The following DGKI variants were observed in gnomAD, a reference collection of about 807,000 sequenced individuals.
DGKI encodes the protein diacylglycerol kinase iota.
In DGKI, 55 loss-of-function variants were observed where a neutral mutation model predicts 147.5. The observed-to-expected ratio is 0.37, with a 90% CI of 0.30 to 0.47. The LOEUF (loss-of-function observed/expected upper bound fraction) is 0.47, where lower values mean the gene tolerates loss of function less well. DGKI is among the 20% of genes least tolerant of loss of function. The pLI is 1.00. For missense variants in DGKI, 1,007 were observed against 1,323.8 expected, an observed-to-expected ratio of 0.76 and a Z score of 3.71; for synonymous variants, 469 against 477.1, an observed-to-expected ratio of 0.98 and a Z score of 0.22.
intron 21 of DGKI, among the ~76,000 whole-genome samples, chr7:137,493,067 C>A (rs1477785638): frequency 6.6e-6 from 1 of 152,174 alleles, no homozygotes; most frequent in Non-Finnish European, 1.5e-5. Flanking sequence ...CCTTGCCTAC[C>A]CTTCCCTGCT....
intron 1 of DGKI, among the ~76,000 whole-genome samples, chr7:137,703,726 A>G (rs1198084777): frequency 6.6e-6 from 1 of 152,212 alleles, no homozygotes; most frequent in Non-Finnish European, 1.5e-5. Flanking sequence ...CAATACTACA[A>G]TCAGCAACAT....
chr7:137,784,510 C>CA (rs1796608879), intron 1 of DGKI, among the ~76,000 whole-genome samples: 1 of 151,986 alleles, frequency 6.6e-6, no homozygotes, highest in South Asian at 2.1e-4. Flanking sequence ...AGATAGATGG[C>CA]AATATAATAA....
Position 137,838,138 on chromosome 7 carries a change from G to C in DGKI, c.401+8324C>G, listed in dbSNP as rs534821835. ...CTGCCTCAGCCTCCCAAGTAGCTGGGACTACAAGTGTGCACCACCACACCC... is the reference window on the plus strand; with the variant it reads ...CTGCCTCAGCCTCCCAAGTAGCTGGCACTACAAGTGTGCACCACCACACCC... On this transcript the variant is annotated intron_variant, in intron 1 of 32. Transcript: ENST00000614521. Among the ~76,000 whole-genome samples, 7 of 151,922 alleles carry C rather than the reference G, an allele frequency of 4.6e-5. No homozygotes were observed. In the East Asian group the frequency reaches 1.4e-3, roughly 30 times the overall value.
In DGKI at chr7:137,585,246, T is replaced by G. The variant is rs1026235103; in HGVS notation, c.1526A>C (p.Asp509Ala). ...RWNLHVERNP[D>A]LPPEELEDGV... ...ATCTTCAAGTTCTTCTGGAGGCAAGTCGGGGTTTCTTTCCACATGGAGGTT... is the reference window on the plus strand; with the variant it reads ...ATCTTCAAGTTCTTCTGGAGGCAAGGCGGGGTTTCTTTCCACATGGAGGTT... The change falls in exon 14 of 33, where the codon GAC becomes GCC. Residue 509 changes from aspartate (D) to alanine (A), a missense_variant. Transcript: ENST00000614521. 6.2e-7 allele frequency: 1 copy of G among 1,614,132 alleles called. No homozygotes were observed. The highest frequency in any genetic ancestry group is 1.7e-5 in the Admixed American group (1 of 60,018).
At chr7:137,558,794 C>A (rs1210947164) in intron 19 of DGKI, among the ~76,000 whole-genome samples, 1 of 119,654 alleles carries the variant, frequency 8.4e-6, no homozygotes, top group Non-Finnish European at 1.6e-5. Context: ...GGTGATCCAC[C>A]CACCTTGGCC....
chr7:137,576,071 C>T (rs568031112), intron 17 of DGKI, among the ~76,000 whole-genome samples: 1 of 139,406 alleles, frequency 7.2e-6, no homozygotes, highest in South Asian at 2.3e-4. Context: ...CGGAGTGTTG[C>T]TCTGTCGCCC....
intron 1 of DGKI, among the ~76,000 whole-genome samples, chr7:137,781,672 T>C (rs1796522268): frequency 6.6e-6 from 1 of 152,226 alleles, no homozygotes. Flanking sequence ...GTGTTTTTGC[T>C]AGTACATAAT....
rs117055440 is a variant in DGKI, at chr7:137,695,721, G to A, written c.402-5719C>T. Reference sequence around the variant, plus strand: ...TACACATATACATAGCAAACCAGACGTACTATAAAATTCACCTTTTCTATA... The same window carrying A: ...TACACATATACATAGCAAACCAGACATACTATAAAATTCACCTTTTCTATA... On this transcript the variant is annotated intron_variant, in intron 1 of 32. Transcript: ENST00000614521. Among the ~76,000 whole-genome samples the A allele has an allele frequency of 5.7e-3, 861 of 152,176 alleles. 5 individuals are homozygous for A. The highest frequency in any genetic ancestry group is 8.0e-3 in the Non-Finnish European group (545 of 68,014).
chr7:137,404,860 T>C (rs549453880), intron 30 of DGKI, among the ~76,000 whole-genome samples: 33 of 152,052 alleles, frequency 2.2e-4, no homozygotes, highest in African/African-American at 7.5e-4. Context: ...TGCGGGGTGA[T>C]GAGAAACTGA....
At chr7:137,655,626 T>G (rs1018134132) in intron 4 of DGKI, among the ~76,000 whole-genome samples, 2 of 152,168 alleles carry the variant, frequency 1.3e-5, no homozygotes, top group African/African-American at 4.8e-5. Context: ...AAGGCAGAGA[T>G]GAGTAAGTGA....
intron 1 of DGKI, among the ~76,000 whole-genome samples, chr7:137,708,532 T>A (rs1467144193): frequency 6.6e-6 from 1 of 152,300 alleles, no homozygotes; most frequent in East Asian, 1.9e-4. Context: ...ACAGGAAACA[T>A]CCGATTCAAT....
At chr7:137,533,583 G>A (rs1817415960) in intron 20 of DGKI, among the ~76,000 whole-genome samples, 2 of 151,998 alleles carry the variant, frequency 1.3e-5, no homozygotes, top group Admixed American at 1.3e-4. Flanking sequence ...AAACATACTT[G>A]TTTTACTTTT....
chr7:137,746,507 T>C (rs776578483), intron 1 of DGKI, among the ~76,000 whole-genome samples: 13 of 152,048 alleles, frequency 8.5e-5, no homozygotes, highest in Non-Finnish European at 1.6e-4. Flanking sequence ...TGGAGGAAAA[T>C]GAATTTCCCA....
At chr7:137,836,176 G>A (rs954756299) in intron 1 of DGKI, among the ~76,000 whole-genome samples, 2 of 152,036 alleles carry the variant, frequency 1.3e-5, no homozygotes, top group Admixed American at 6.6e-5. Context: ...GTAATTCCAC[G>A]CTGGCTCATA....
intron 1 of DGKI, among the ~76,000 whole-genome samples, chr7:137,757,373 G>A (rs776975511): frequency 1.3e-4 from 20 of 152,180 alleles, no homozygotes; most frequent in Non-Finnish European, 2.1e-4. Flanking sequence ...TTCATTCCCA[G>A]TTTTCCTACA....
intron 1 of DGKI, among the ~76,000 whole-genome samples, chr7:137,762,442 C>T (rs972774147): frequency 3.3e-5 from 5 of 152,238 alleles, no homozygotes; most frequent in African/African-American, 1.2e-4. Flanking sequence ...ACATTCTATA[C>T]TCCAGCAGCA....
chr7:137,841,936 C>G (rs1346393814), intron 1 of DGKI, among the ~76,000 whole-genome samples: 1 of 152,164 alleles, frequency 6.6e-6, no homozygotes, highest in African/African-American at 2.4e-5. Flanking sequence ...GTGTCAATCT[C>G]CCAGGTAAAA....
chr7:137,748,931 A>G (rs1235649780), intron 1 of DGKI, among the ~76,000 whole-genome samples: 1 of 152,206 alleles, frequency 6.6e-6, no homozygotes, highest in East Asian at 1.9e-4. Flanking sequence ...CCAAGAGATA[A>G]TGATAAAAAC....
chr7:137,673,355 G>A (rs1822920201), intron 3 of DGKI, among the ~76,000 whole-genome samples: 1 of 152,150 alleles, frequency 6.6e-6, no homozygotes, highest in South Asian at 2.1e-4. Flanking sequence ...TCTCTACCCT[G>A]ACAGTGAAGA....
Sources: gnomAD v4.1 joint callset for allele counts (sites outside exome capture counted in the v4.1 genomes callset) on GRCh38, gnomAD v4.1.1 for gene constraint, MANE v1.5 for transcripts, NCBI Gene and HGNC (gene_info 2026-07-23, HGNC 2026-07-21) for gene names.